POU2F1: variants seen among roughly 807,000 people sequenced by gnomAD.
The protein encoded by POU2F1 is POU class 2 homeobox 1.
In POU2F1, 16 loss-of-function variants were observed where a neutral mutation model predicts 84.9. That is an observed-to-expected ratio of 0.19 (90% confidence interval 0.13 to 0.29). The LOEUF is 0.29. Among genes scored for constraint, POU2F1 ranks in the 10% least tolerant of loss-of-function variants. POU2F1 has a pLI of 1.00. For synonymous variants in POU2F1, 368 were observed against 368.3 expected (o/e 1.00, Z 0.01); for missense variants, 738 against 942.6 (o/e 0.78, Z 2.84).
chr1:167,337,844 C>T (rs1040357633), intron 2 of POU2F1: 4 of 273,940 alleles, frequency 1.5e-5, no homozygotes, highest in South Asian at 1.4e-4. Flanking sequence ...GACATGAAAG[C>T]ACACCAAGAT....
intron 2 of POU2F1, among the ~76,000 whole-genome samples, chr1:167,358,399 G>A (rs1208585231): frequency 2.6e-5 from 4 of 151,732 alleles, no homozygotes; most frequent in Non-Finnish European, 1.5e-5. Context: ...AGGTTATGCT[G>A]GTCTCATAAA....
Position 167,280,706 on chromosome 1 carries a change from A to G in POU2F1, c.62-51764A>G, listed in dbSNP as rs536440437. Among the ~76,000 whole-genome samples, 115 of 152,240 alleles carry G rather than the reference A, an allele frequency of 7.6e-4. 4 individuals carry two copies. The highest frequency in any genetic ancestry group is 2.0e-4 in the Admixed American group (3 of 15,298). ...ATTTCACTAAGATAACTTCTTTTGC[A>G]TGGTCTTTGAATAGTCTCATTTTTT... On this transcript the variant is annotated intron_variant, in intron 1 of 15. Coordinates refer to ENST00000367866, the MANE Select transcript of POU2F1 (RefSeq NM_002697.4).
chr1:167,355,853 T>C (rs1301578682), intron 2 of POU2F1, among the ~76,000 whole-genome samples: 1 of 152,178 alleles, frequency 6.6e-6, no homozygotes, highest in Non-Finnish European at 1.5e-5. Flanking sequence ...TGCTGTATTT[T>C]GATAGATTTA....
At chr1:167,280,601 T>G (rs894629839) in intron 1 of POU2F1, among the ~76,000 whole-genome samples, 7 of 152,218 alleles carry the variant, frequency 4.6e-5, no homozygotes, top group South Asian at 4.1e-4. Flanking sequence ...TGTGTCAAGA[T>G]GTGTTACAGA....
intron 1 of POU2F1, among the ~76,000 whole-genome samples, chr1:167,231,296 TATAAC>T (rs1328744859): frequency 2.6e-5 from 4 of 152,186 alleles, no homozygotes; most frequent in African/African-American, 7.2e-5. Flanking sequence ...GACCAGTAAA[TATAAC>T]ATATATTTTT....
chr1:167,398,301 A>C (rs1648955310), intron 11 of POU2F1, among the ~76,000 whole-genome samples, 168 bp downstream of exon 11: 1 of 152,244 alleles, frequency 6.6e-6, no homozygotes, highest in African/African-American at 2.4e-5. Context: ...ACAGAACCAG[A>C]GTTCTGCAGG....
At chr1:167,321,915 A>C (rs1476028216) in intron 1 of POU2F1, among the ~76,000 whole-genome samples, 1 of 152,106 alleles carries the variant, frequency 6.6e-6, no homozygotes, top group Non-Finnish European at 1.5e-5. Flanking sequence ...CTCCCCAATA[A>C]ATTTATAGGT....
intron 2 of POU2F1, among the ~76,000 whole-genome samples, chr1:167,341,546 A>T (rs1253303363): frequency 1.3e-5 from 2 of 152,012 alleles, no homozygotes; most frequent in Non-Finnish European, 2.9e-5. Context: ...AGTGGCTCAT[A>T]TGTTTGGCTG....
intron 1 of POU2F1, among the ~76,000 whole-genome samples, chr1:167,301,682 T>C (rs561414013): frequency 2.1e-4 from 32 of 152,278 alleles, no homozygotes; most frequent in African/African-American, 7.2e-4. Context: ...TTTGTAACCA[T>C]CATATTGGAA....
intron 12 of POU2F1, among the ~76,000 whole-genome samples, chr1:167,400,837 A>G (rs73026293): frequency 0.019 from 2,881 of 152,306 alleles, 87 homozygotes; most frequent in African/African-American, 0.065. Flanking sequence ...TTAAAAGCAC[A>G]TGTTAGTTTA....
At chr1:167,269,209 A>G (rs1419178728) in intron 1 of POU2F1, among the ~76,000 whole-genome samples, 1 of 152,248 alleles carries the variant, frequency 6.6e-6, no homozygotes, top group Admixed American at 6.5e-5. Flanking sequence ...CAAACTTAAA[A>G]TGTGAGAAAT....
At chr1:167,225,814 T>A (rs1648586782) in intron 1 of POU2F1, among the ~76,000 whole-genome samples, 1 of 152,224 alleles carries the variant, frequency 6.6e-6, no homozygotes, top group Non-Finnish European at 1.5e-5. Flanking sequence ...GCCTTGTTGT[T>A]ATCGGTTATT....
intron 1 of POU2F1, among the ~76,000 whole-genome samples, chr1:167,259,504 C>G (rs1036030033): frequency 3.9e-5 from 6 of 152,118 alleles, no homozygotes; most frequent in African/African-American, 1.4e-4. Flanking sequence ...GTTCTTGGCA[C>G]TTATAAGCAA....
At position 167,376,113 on chromosome 1, in the gene POU2F1, C is replaced by G; in HGVS notation, c.676C>G (p.Pro226Ala). 6.2e-7 allele frequency: 1 copy of G among 1,614,208 alleles called. No homozygotes were observed. The highest frequency in any genetic ancestry group is 1.7e-5 in the Admixed American group (1 of 60,026). ...VLVHPTTNLQPAQFIISQTPQ... is the reference protein window; with the variant it reads ...VLVHPTTNLQAAQFIISQTPQ... ...GGTGCATCCAACCACCAATTTGCAG[C>G]CAGCGCAGTTTATCATCTCACAGAC... Residue 226 changes from proline (P) to alanine (A), a missense_variant, in exon 7 of 16, where the codon CCA becomes GCA. Coordinates refer to ENST00000367866, the MANE Select transcript of POU2F1 (RefSeq NM_002697.4).
intron 1 of POU2F1, among the ~76,000 whole-genome samples, chr1:167,329,898 T>C (rs776077580): frequency 2.6e-4 from 39 of 152,308 alleles, no homozygotes; most frequent in Non-Finnish European, 4.9e-4. Flanking sequence ...TTTTTTAAAA[T>C]CAACTATATA....
At chr1:167,397,872 G>A (rs1050826106) in intron 10 of POU2F1, 122 bp from the exon 11 acceptor site, 9 of 1,051,806 alleles carry the variant, frequency 8.6e-6, no homozygotes, top group African/African-American at 6.4e-5. Flanking sequence ...TGTAGGTTAT[G>A]TGAAAACCTT....
At chr1:167,404,545 G>C (rs370294440) in intron 13 of POU2F1, among the ~76,000 whole-genome samples, 1 of 152,142 alleles carries the variant, frequency 6.6e-6, no homozygotes. Flanking sequence ...AGAATCCTTA[G>C]CGTTCCATAG....
At chr1:167,221,354 A>G (rs1333860338) in intron 1 of POU2F1, among the ~76,000 whole-genome samples, 1 of 150,290 alleles carries the variant, frequency 6.7e-6, no homozygotes, top group Non-Finnish European at 1.5e-5. Flanking sequence ...AGAGGACAAT[A>G]AAGACATTTT....
At chr1:167,395,012 T>C (rs961501354) in intron 9 of POU2F1, among the ~76,000 whole-genome samples, 2 of 152,208 alleles carry the variant, frequency 1.3e-5, no homozygotes, top group Non-Finnish European at 2.9e-5. Context: ...ATAGTAGGAT[T>C]AGTTGTATAG....
Sources: allele counts gnomAD v4.1 joint callset (sites outside exome capture counted in the v4.1 genomes callset), GRCh38; gene constraint gnomAD v4.1.1; transcripts MANE v1.5; gene names NCBI Gene and HGNC (gene_info 2026-07-23, HGNC 2026-07-21).